The following ASNS variants were observed in gnomAD, a reference collection of about 807,000 sequenced individuals.
ASNS encodes the protein asparagine synthetase (glutamine-hydrolyzing).
A neutral mutation model predicts 62.6 loss-of-function variants in ASNS; 37 were observed. The ratio of observed to expected loss-of-function variants is 0.59; its 90% CI spans 0.45 to 0.78. ASNS has a LOEUF of 0.78. ASNS is among the 30% of genes least tolerant of loss of function. ASNS has a pLI of 0.00. For missense variants in ASNS, 520 were observed against 682.4 expected, an observed-to-expected ratio of 0.76 and a Z score of 2.65; for synonymous variants, 207 against 237.9, an observed-to-expected ratio of 0.87 and a Z score of 1.19.
the ASNS span, among the ~76,000 whole-genome samples, chr7:97,904,172 A>G: frequency 3.3e-5 from 5 of 152,228 alleles, 1 homozygote; most frequent in South Asian, 1.0e-3. Context: ...ACAGATTCTC[A>G]GATTTTTCTA....
chr7:97,880,700 C>T, the ASNS span, among the ~76,000 whole-genome samples: 50 of 152,088 alleles, frequency 3.3e-4, no homozygotes, highest in Non-Finnish European at 5.7e-4. Flanking sequence ...AATTACCCCC[C>T]AAAGATGTGA....
intron 3 of ASNS, among the ~76,000 whole-genome samples, chr7:97,866,539 C>T (rs946118604): frequency 5.9e-5 from 9 of 152,230 alleles, no homozygotes; most frequent in African/African-American, 2.2e-4. Flanking sequence ...TAATGGCAAA[C>T]TATGAGGATG....
intron 6 of ASNS, 94 bp downstream of exon 6, chr7:97,858,760 G>C: frequency 8.6e-7 from 1 of 1,159,554 alleles, no homozygotes; most frequent in Non-Finnish European, 1.2e-6. Context: ...AAATCATACA[G>C]TAAATATTTT....
chr7:97,876,664 G>A (rs558624383), upstream of ASNS, among the ~76,000 whole-genome samples: 1 of 152,074 alleles, frequency 6.6e-6, no homozygotes, highest in Non-Finnish European at 1.5e-5. Flanking sequence ...TTGACCTCAT[G>A]ATCCACCCAC....
At chr7:97,876,098 C>A (rs1792432317), upstream of ASNS, among the ~76,000 whole-genome samples, 1 of 152,110 alleles carries the variant, frequency 6.6e-6, no homozygotes, top group South Asian at 2.1e-4. Context: ...CTCAGGTGAT[C>A]CACCTGCCTC....
the ASNS span, among the ~76,000 whole-genome samples, chr7:97,884,051 A>G: frequency 1.3e-5 from 2 of 151,400 alleles, no homozygotes; most frequent in African/African-American, 2.4e-5. Flanking sequence ...ATCTCATTCC[A>G]TCCCTACATC....
At chr7:97,898,628 C>T in the ASNS span, 106 of 649,842 alleles carry the variant, frequency 1.6e-4, no homozygotes, top group Non-Finnish European at 2.8e-4. Flanking sequence ...TCATCTTCTT[C>T]TGGATTTGGC....
At chr7:97,863,627 C>T (rs1791826550) in intron 4 of ASNS, 1 of 152,346 alleles carries the variant, frequency 6.6e-6, no homozygotes, top group African/African-American at 2.4e-5. Flanking sequence ...GCTATCAAAC[C>T]ACCGCACTCC....
rs541676503 is a variant in ASNS at position 97,861,935 on chromosome 7, G to C, written c.487+2324C>G. ...TTTTGATGCTATTATAAATGAAGTT[G>C]CTTTCTTAATTTCATTTTGATTGCT... On this transcript the variant is annotated intron_variant, in intron 4 of 12. Coordinates refer to ENST00000394308, the MANE Select transcript of ASNS (RefSeq NM_001673.5). Among the ~76,000 whole-genome samples the C allele has an allele frequency of 5.3e-5, 8 of 152,156 alleles. 1 individual carries two copies. In the South Asian group the frequency reaches 1.7e-3, roughly 32 times the overall value.
the ASNS span, among the ~76,000 whole-genome samples, chr7:97,892,727 T>C: frequency 6.6e-6 from 1 of 152,192 alleles, no homozygotes; most frequent in African/African-American, 2.4e-5. Flanking sequence ...GGAGTCACCA[T>C]TGTGCCAGTT....
At chr7:97,903,260 A>T in the ASNS span, among the ~76,000 whole-genome samples, 3 of 145,932 alleles carry the variant, frequency 2.1e-5, no homozygotes, top group African/African-American at 7.7e-5. Context: ...TTTTTTTTTT[A>T]ATCAGCCTGG....
At chr7:97,895,964 G>A in the ASNS span, among the ~76,000 whole-genome samples, 2 of 148,264 alleles carry the variant, frequency 1.3e-5, no homozygotes, top group African/African-American at 5.0e-5. Flanking sequence ...AAAATACCTA[G>A]GAATAAACTT....
At chr7:97,878,362 C>T in the ASNS span, among the ~76,000 whole-genome samples, 1 of 152,124 alleles carries the variant, frequency 6.6e-6, no homozygotes, top group Non-Finnish European at 1.5e-5. Flanking sequence ...ATGAGAGAGT[C>T]GTGATCGATT....
rs2115660285 is a variant in ASNS, at chr7:97,859,334, G to T, written c.552C>A (p.His184Gln). 1 of 1,614,148 alleles carries T rather than the reference G, an allele frequency of 6.2e-7. No individual in the cohort carries two copies. The highest frequency in any genetic ancestry group is 8.5e-7 in the Non-Finnish European group (1 of 1,180,010). The change falls in exon 5 of 13, where the codon CAC (histidine) becomes CAA (glutamine). Residue 184 changes from histidine to glutamine, a missense_variant. Transcript: ENST00000394308. ...TTGGCTTTAAATCCAAAACTTCATA[G>T]TGTCCAGGAAGAAAAGGCTCCACTT... ...FLKVEPFLPG[H>Q]YEVLDLKPNG...
In ASNS at chr7:97,869,257, G is replaced by A. The variant is rs543429305; in HGVS notation, c.-23-78C>T. The stretch of plus-strand genomic sequence containing the variant: ...TGCATTAAATCTTGATTCCGGAAAC[G>A]TGCATAAACCACTTCAAAGACTAAA... On this transcript the variant is annotated intron_variant, in intron 2 of 12. Transcript: ENST00000394308. 4.0e-5 allele frequency: 60 copies of A among 1,486,280 alleles called. No individual in the cohort carries two copies. The East Asian group carries it at 1.0e-3, about 25-fold the overall frequency. The allele number at this position is 1,486,280 out of a possible 1,614,324, so 92.1% of individuals were successfully genotyped here.
chr7:97,872,122 A>T (rs931335703), intron 1 of ASNS: 1 of 152,280 alleles, frequency 6.6e-6, no homozygotes, highest in Non-Finnish European at 1.5e-5. Context: ...TCAGGGAACC[A>T]GGACAGAAAG....
the ASNS span, among the ~76,000 whole-genome samples, chr7:97,894,847 AG>A: frequency 6.7e-6 from 1 of 149,018 alleles, no homozygotes; most frequent in African/African-American, 2.5e-5. Flanking sequence ...TTGAAGAGGA[AG>A]GAATTCTTCC....
chr7:97,880,140 T>C, the ASNS span, among the ~76,000 whole-genome samples: 1 of 152,062 alleles, frequency 6.6e-6, no homozygotes, highest in Non-Finnish European at 1.5e-5. Context: ...TGTCTTTTTT[T>C]TTTTTTTTAA....
the ASNS span, among the ~76,000 whole-genome samples, chr7:97,890,620 A>G: frequency 6.6e-6 from 1 of 152,216 alleles, no homozygotes; most frequent in South Asian, 2.1e-4. Context: ...AGTGGCTCAC[A>G]TCTGCAATTC....
Sources: allele counts gnomAD v4.1 joint callset (sites outside exome capture counted in the v4.1 genomes callset), GRCh38; gene constraint gnomAD v4.1.1; transcripts MANE v1.5; gene names NCBI Gene and HGNC (gene_info 2026-07-23, HGNC 2026-07-21).